The following SAMD15 variants were observed in gnomAD, a reference collection of about 807,000 sequenced individuals.
SAMD15 encodes the protein sterile alpha motif domain containing 15, also known as sterile alpha motif domain-containing protein 15.
In SAMD15, 37 loss-of-function variants were observed where a neutral mutation model predicts 50.5. The ratio of observed to expected loss-of-function variants is 0.73; its 90% CI spans 0.56 to 0.96. The LOEUF is 0.96. Among genes scored for constraint, SAMD15 ranks in the 40% least tolerant of loss-of-function variants. The probability of loss-of-function intolerance (pLI) is 0.00; values close to 1 mark genes in which losing one functional copy is unlikely to be tolerated. For missense variants in SAMD15, 789 were observed against 783.8 expected, an observed-to-expected ratio of 1.01 and a Z score of -0.08; for synonymous variants, 255 against 282.8, an observed-to-expected ratio of 0.90 and a Z score of 0.99.
intron 2 of SAMD15, among the ~76,000 whole-genome samples, chr14:77,381,338 G>T (rs1050474828): frequency 1.4e-4 from 21 of 152,146 alleles, no homozygotes; most frequent in Admixed American, 5.9e-4. Flanking sequence ...CCCTCCATTT[G>T]TAGTGCTTTG....
chr14:77,384,272 T>C (rs138447866), intron 2 of SAMD15, among the ~76,000 whole-genome samples: 2 of 152,258 alleles, frequency 1.3e-5, no homozygotes, highest in East Asian at 3.9e-4. Flanking sequence ...GACATGCTGC[T>C]AAGAATCTGA....
chr14:77,378,849 G>A lies in SAMD15; in HGVS notation c.1431G>A (p.Glu477=), dbSNP rs569226310. 2.0e-5 allele frequency: 32 copies of A among 1,614,006 alleles called. No individual in the cohort carries two copies. The South Asian group carries it at 3.3e-4, about 17-fold the overall frequency. ...AAGAATCAATTGGTACACATTATGA[G>A]TTTTTGCAACCACTCCAAAAATTGC... ...ESEESIGTHY[E]FLQPLQKLLN... The change falls in exon 1 of 3, where the codon GAG becomes GAA. Residue 477 remains glutamate (E), a synonymous_variant. Coordinates refer to ENST00000216471, the MANE Select transcript of SAMD15 (RefSeq NM_001010860.4).
At chr14:77,382,626 T>G (rs960643498) in intron 2 of SAMD15, among the ~76,000 whole-genome samples, 8 of 105,694 alleles carry the variant, frequency 7.6e-5, no homozygotes, top group African/African-American at 5.0e-4. Context: ...CAATCCATGT[T>G]CTATTTAACT....
At position 77,377,933 on chromosome 14, in the gene SAMD15, C is replaced by CG. The variant is rs752105949; in HGVS notation, c.520dup (p.Ala174GlyfsTer16). ...CCAACGGAAACCATGTCTGAGGTTT[C>CG]GGGGGCCACAGTCAGAGAGAGAAAT... On this transcript the variant is annotated frameshift_variant, in exon 1 of 3. Coordinates refer to ENST00000216471, the MANE Select transcript of SAMD15 (RefSeq NM_001010860.4). LOFTEE classifies it high-confidence loss of function. The CG allele has an allele frequency of 6.2e-7, 1 of 1,614,012 alleles. No individual in the cohort carries two copies. The highest frequency in any genetic ancestry group is 1.1e-5 in the South Asian group (1 of 91,076).
At chr14:77,390,394 A>C (rs925226362) in intron 2 of SAMD15, among the ~76,000 whole-genome samples, 4 of 152,126 alleles carry the variant, frequency 2.6e-5, no homozygotes, top group African/African-American at 9.7e-5. Context: ...TCCTAATCTG[A>C]ACATATTATC....
In SAMD15 at chr14:77,380,466, C is replaced by T. The variant is rs1489309893; in HGVS notation, c.1773C>T (p.Asn591=). The T allele has an allele frequency of 1.2e-6, 2 of 1,612,142 alleles. No homozygotes were observed. Among genetic ancestry groups the T allele is most frequent in the East Asian group, 4.5e-5 (2 of 44,866 alleles). ...ACCTCCCTCAGATGGGGATAACAAA[C>T]TTTGAGGACATGAAGGTGAGTTGTG... The part of the protein sequence containing the change: ...CSNLPQMGIT[N]FEDMKAISRH... The change falls in exon 2 of 3, where the codon AAC becomes AAT. Residue 591 remains asparagine (N), a synonymous_variant. Coordinates refer to ENST00000216471, the MANE Select transcript of SAMD15 (RefSeq NM_001010860.4).
At chr14:77,385,988 C>T (rs1049917102) in intron 2 of SAMD15, among the ~76,000 whole-genome samples, 4 of 151,756 alleles carry the variant, frequency 2.6e-5, no homozygotes, top group East Asian at 1.9e-4. Flanking sequence ...GCTGGGACTA[C>T]AGCCACATGC....
At chr14:77,389,096 A>G (rs1894040998) in intron 2 of SAMD15, among the ~76,000 whole-genome samples, 1 of 104,118 alleles carries the variant, frequency 9.6e-6, no homozygotes, top group Non-Finnish European at 2.3e-5. Context: ...TCTCTAAAAC[A>G]AAACAAAACA....
rs1893871024 is a variant in SAMD15, at chr14:77,377,976, G to A, written c.558G>A (p.Glu186=). Residue 186 remains glutamate (E), a synonymous_variant, in exon 1 of 3, where the codon GAG becomes GAA. Transcript: ENST00000216471. The part of the protein sequence containing the change: ...VRERNLELLE[E]ETEPGVPEES... ...AGAGAAATTTAGAATTACTAGAGGA[G>A]GAGACTGAACCGGGGGTTCCAGAGG... The A allele has an allele frequency of 1.2e-6, 2 of 1,613,914 alleles. No individual in the cohort carries two copies. The highest frequency in any genetic ancestry group is 1.7e-6 in the Non-Finnish European group (2 of 1,180,028).
chr14:77,384,762 C>T (rs924200189), intron 2 of SAMD15, among the ~76,000 whole-genome samples: 1 of 152,224 alleles, frequency 6.6e-6, no homozygotes, highest in African/African-American at 2.4e-5. Flanking sequence ...CTTGTTGCTA[C>T]TGAGTGTCAC....
At chr14:77,384,919 A>G (rs1893987115) in intron 2 of SAMD15, among the ~76,000 whole-genome samples, 1 of 152,166 alleles carries the variant, frequency 6.6e-6, no homozygotes. Flanking sequence ...GTGGTGGCTC[A>G]TGCCTGTAAT....
At chr14:77,388,382 CGTGTGTGTGT>C (rs376913427) in intron 2 of SAMD15, among the ~76,000 whole-genome samples, 3,060 of 133,124 alleles carry the variant, frequency 0.023, 50 homozygotes, top group Non-Finnish European at 0.026. Context: ...GCCACCTGTT[CGTGTGTGTGT>C]GTGTGTGTGT....
intron 2 of SAMD15, among the ~76,000 whole-genome samples, chr14:77,389,237 T>C (rs1894042959): frequency 6.6e-6 from 1 of 152,148 alleles, no homozygotes; most frequent in South Asian, 2.1e-4. Context: ...GCATCTTGCC[T>C]ATCTAAAAGG....
In SAMD15 at chr14:77,378,315, GA is replaced by G; in HGVS notation, c.900del (p.Thr302GlnfsTer28). ...AGATGCAAAGAAAGGCAACTGAGGA[GA>G]AAGGGACAGAACTACCTGAGCGGAC... ...EEMQRKATEEKGTELPERTKP... is the reference protein window; with the variant it reads ...EEMQRKATEEXGTELPERTKP... On this transcript the variant is annotated frameshift_variant, in exon 1 of 3. Transcript: ENST00000216471. LOFTEE classifies it high-confidence loss of function. The G allele has an allele frequency of 6.2e-7, 1 of 1,612,082 alleles. No homozygotes were observed. The highest frequency in any genetic ancestry group is 8.5e-7 in the Non-Finnish European group (1 of 1,179,590).
rs190331174 is a variant in SAMD15, at chr14:77,389,570, G to C, written c.1789-1438G>C. On this transcript the variant is annotated intron_variant, in intron 2 of 2. Coordinates refer to ENST00000216471, the MANE Select transcript of SAMD15 (RefSeq NM_001010860.4). ...GGCGGGAGTAGAGTGGTGCGATCTC[G>C]GCTCACTGCAGCCTCCGCCTCCCAG... Among the ~76,000 whole-genome samples the C allele has an allele frequency of 3.5e-4, 49 of 140,498 alleles. 1 individual carries two copies. Among genetic ancestry groups the C allele is most frequent in the Admixed American group, 6.4e-4 (8 of 12,546 alleles). The allele number at this position is 140,498 out of a possible 152,430, so 92.2% of individuals were successfully genotyped here. A position where few individuals can be genotyped will look rare whatever the true frequency, so the allele number is the denominator to read the frequency against.
Position 77,378,525 on chromosome 14 carries a change from G to GA in SAMD15, c.1115dup (p.Asn372LysfsTer21), listed in dbSNP as rs111283439. On this transcript the variant is annotated frameshift_variant, in exon 1 of 3. Transcript: ENST00000216471. LOFTEE classifies it high-confidence loss of function. Reference sequence around the variant, plus strand: ...CAGAAGAGATAAGAAAGTCAAATGAGAAAAAAAATCCACAGCCACCAGAGG... The same window carrying GA: ...CAGAAGAGATAAGAAAGTCAAATGAGAAAAAAAAATCCACAGCCACCAGAGG... 3.7e-6 allele frequency: 6 copies of GA among 1,613,034 alleles called. No individual in the cohort carries two copies. The South Asian group carries it at 4.4e-5, about 12-fold the overall frequency.
At chr14:77,379,808 C>T (rs978915920) in intron 1 of SAMD15, among the ~76,000 whole-genome samples, 15 of 152,232 alleles carry the variant, frequency 9.9e-5, no homozygotes, top group African/African-American at 3.6e-4. Flanking sequence ...TGTGCTATTA[C>T]TTTTTAAAGT....
At position 77,379,043 on chromosome 14, in the gene SAMD15, A is replaced by C. The variant is rs1893910245; in HGVS notation, c.1625A>C (p.His542Pro). The stretch of plus-strand genomic sequence containing the variant: ...AAAGGGACTGAGTTACAATTTGAGC[A>C]TCTTAATTGGGATCCAGAGGAAGTT... ...PEKGTELQFE[H>P]LNWDPEEVAE... Residue 542 changes from histidine to proline, a missense_variant, in exon 1 of 3, where the codon CAT (histidine) becomes CCT (proline). Transcript: ENST00000216471. 6.2e-7 allele frequency: 1 copy of C among 1,613,956 alleles called. No individual in the cohort carries two copies. The highest frequency in any genetic ancestry group is 1.1e-5 in the South Asian group (1 of 91,088).
chr14:77,388,977 G>A (rs563388497), intron 2 of SAMD15, among the ~76,000 whole-genome samples: 1 of 152,218 alleles, frequency 6.6e-6, no homozygotes, highest in East Asian at 1.9e-4. Context: ...AACTCAGGAG[G>A]CTGAGGCAGG....
Sources: gnomAD v4.1 joint callset for allele counts (sites outside exome capture counted in the v4.1 genomes callset) on GRCh38, gnomAD v4.1.1 for gene constraint, MANE v1.5 for transcripts, NCBI Gene and HGNC (gene_info 2026-07-23, HGNC 2026-07-21) for gene names.